CACNA2D3: variants seen among roughly 807,000 people sequenced by gnomAD.
CACNA2D3 encodes the protein calcium voltage-gated channel auxiliary subunit alpha2delta 3, also known as voltage-dependent calcium channel subunit alpha-2/delta-3.
Under a neutral mutation model 160.6 loss-of-function variants are expected in CACNA2D3, and 60 were observed. That is an observed-to-expected ratio of 0.37 (90% CI 0.30 to 0.46). The LOEUF is 0.46. CACNA2D3 is among the 20% of genes least tolerant of loss of function. CACNA2D3 has a pLI of 1.00. For synonymous variants in CACNA2D3, 558 were observed against 492.9 expected (o/e 1.13, Z -1.75); for missense variants, 1,205 against 1,365.0 (o/e 0.88, Z 1.85).
intron 3 of CACNA2D3, among the ~76,000 whole-genome samples, chr3:54,345,176 C>T (rs762960997): frequency 2.0e-4 from 30 of 152,304 alleles, no homozygotes; most frequent in Admixed American, 1.3e-3. Context: ...CCTTTACTTA[C>T]GTAGTAATAA....
chr3:54,248,903 C>T (rs1299183304), intron 2 of CACNA2D3, among the ~76,000 whole-genome samples: 2 of 152,090 alleles, frequency 1.3e-5, no homozygotes, highest in Non-Finnish European at 2.9e-5. Context: ...TAACTATGAC[C>T]GTGTGATCAG....
At chr3:54,326,477 A>C (rs1388609114) in intron 3 of CACNA2D3, among the ~76,000 whole-genome samples, 2 of 152,238 alleles carry the variant, frequency 1.3e-5, no homozygotes, top group Non-Finnish European at 2.9e-5. Context: ...ATAAGGAATT[A>C]ATATCTATAG....
chr3:54,483,284 C>T (rs576631410), intron 4 of CACNA2D3, among the ~76,000 whole-genome samples: 1 of 152,150 alleles, frequency 6.6e-6, no homozygotes, highest in South Asian at 2.1e-4. Flanking sequence ...TGCACAGAGC[C>T]TAAAAAAATT....
chr3:54,441,230 G>A (rs112237670), intron 4 of CACNA2D3, among the ~76,000 whole-genome samples: 27,111 of 152,060 alleles, frequency 0.18, 2,545 homozygotes, highest in Admixed American at 0.27. Flanking sequence ...CATTTCTCTG[G>A]TGGCCAGTGA....
intron 27 of CACNA2D3, among the ~76,000 whole-genome samples, chr3:54,931,041 A>G (rs901110111): frequency 6.6e-6 from 1 of 152,190 alleles, no homozygotes; most frequent in Non-Finnish European, 1.5e-5. Flanking sequence ...GGTTGTAGTG[A>G]GCCGAGATCG....
At chr3:54,643,102 G>A (rs766490502) in intron 11 of CACNA2D3, among the ~76,000 whole-genome samples, 4 of 129,016 alleles carry the variant, frequency 3.1e-5, no homozygotes, top group African/African-American at 9.1e-5. Flanking sequence ...TTTTTCTACT[G>A]CATGTGCCAG....
intron 2 of CACNA2D3, among the ~76,000 whole-genome samples, chr3:54,191,482 A>G (rs115071766): frequency 0.024 from 3,593 of 152,096 alleles, 138 homozygotes; most frequent in African/African-American, 0.079. Context: ...GAGCAGTCCA[A>G]ACCCTTAAAT....
chr3:54,926,668 G>A (rs183895306), intron 27 of CACNA2D3, among the ~76,000 whole-genome samples: 20 of 152,298 alleles, frequency 1.3e-4, no homozygotes, highest in African/African-American at 4.8e-4. Flanking sequence ...TACGTGGAAA[G>A]CTAATTCATT....
chr3:54,122,740 C>G lies in CACNA2D3; in HGVS notation c.27C>G (p.Arg9=). 2.5e-6 allele frequency: 3 copies of G among 1,215,398 alleles called. No homozygotes were observed. Among genetic ancestry groups the G allele is most frequent in the Non-Finnish European group, 3.1e-6 (3 of 975,914 alleles). 75.3% of individuals were successfully genotyped at this position (1,215,398 alleles called of 1,614,324 possible). ...TGGCCGGGCCGGGCTCGCCGCGCCGCGCGTCCCGGGGGGCCTCGGCGCTTC... is the reference window on the plus strand; with the variant it reads ...TGGCCGGGCCGGGCTCGCCGCGCCGGGCGTCCCGGGGGGCCTCGGCGCTTC... The part of the protein sequence containing the change: MAGPGSPR[R]ASRGASALLA... The change falls in exon 1 of 38, where the codon CGC becomes CGG. Residue 9 remains arginine, a synonymous_variant. Transcript: ENST00000474759.
chr3:54,695,049 C>A (rs973561451), intron 11 of CACNA2D3, among the ~76,000 whole-genome samples: 1 of 151,978 alleles, frequency 6.6e-6, no homozygotes, highest in African/African-American at 2.4e-5. Flanking sequence ...TGGAGTTTTG[C>A]TCTTGTCACC....
intron 27 of CACNA2D3, among the ~76,000 whole-genome samples, chr3:54,960,702 CT>C (rs926664618): frequency 6.6e-6 from 1 of 152,226 alleles, no homozygotes; most frequent in African/African-American, 2.4e-5. Flanking sequence ...TTCCTTCCCC[CT>C]CATCTTCCCG....
chr3:54,222,580 T>C (rs182406524), intron 2 of CACNA2D3, among the ~76,000 whole-genome samples: 145 of 152,346 alleles, frequency 9.5e-4, no homozygotes, highest in African/African-American at 3.3e-3. Context: ...CCAGTCAAGT[T>C]GACAAATAAA....
chr3:54,341,455 T>C (rs1698338238), intron 3 of CACNA2D3, among the ~76,000 whole-genome samples: 1 of 152,152 alleles, frequency 6.6e-6, no homozygotes, highest in Non-Finnish European at 1.5e-5. Flanking sequence ...AGGTTTGGCA[T>C]AGAGACAAAC....
chr3:54,842,427 A>C (rs1698838825), intron 16 of CACNA2D3, among the ~76,000 whole-genome samples: 1 of 152,162 alleles, frequency 6.6e-6, no homozygotes, highest in African/African-American at 2.4e-5. Context: ...TCTAAAATAC[A>C]CAAACTGTAA....
chr3:54,787,688 G>T (rs1490024596), intron 13 of CACNA2D3, among the ~76,000 whole-genome samples: 1 of 152,182 alleles, frequency 6.6e-6, no homozygotes, highest in Admixed American at 6.5e-5. Context: ...GCTTCTAGGG[G>T]TGGCACATTG....
intron 35 of CACNA2D3, among the ~76,000 whole-genome samples, chr3:55,052,848 T>C (rs1704260870): frequency 1.3e-5 from 2 of 152,152 alleles, no homozygotes; most frequent in Non-Finnish European, 2.9e-5. Context: ...TTTCCCCATC[T>C]TTTAGCTTTA....
At chr3:54,845,435 T>TA (rs1698911944) in intron 16 of CACNA2D3, among the ~76,000 whole-genome samples, 1 of 150,662 alleles carries the variant, frequency 6.6e-6, no homozygotes, top group Non-Finnish European at 1.5e-5. Context: ...GAAAAAAAAA[T>TA]AGAGGATTTC....
At chr3:54,621,379 C>G (rs1698985267) in intron 9 of CACNA2D3, among the ~76,000 whole-genome samples, 1 of 152,218 alleles carries the variant, frequency 6.6e-6, no homozygotes, top group African/African-American at 2.4e-5. Flanking sequence ...TGTGGCCGTG[C>G]TGCTGGCATT....
chr3:55,000,228 C>A (rs1044698659), intron 31 of CACNA2D3, among the ~76,000 whole-genome samples: 1 of 152,092 alleles, frequency 6.6e-6, no homozygotes, highest in South Asian at 2.1e-4. Flanking sequence ...TACAGGTAGC[C>A]GCAAAATGGA....
Sources: gnomAD v4.1 joint callset for allele counts (sites outside exome capture counted in the v4.1 genomes callset) on GRCh38, gnomAD v4.1.1 for gene constraint, MANE v1.5 for transcripts, NCBI Gene and HGNC (gene_info 2026-07-23, HGNC 2026-07-21) for gene names.